The following POU6F2 variants were observed in gnomAD, a reference collection of about 807,000 sequenced individuals.
The protein encoded by POU6F2 is POU class 6 homeobox 2, also known as POU domain, class 6, transcription factor 2.
In POU6F2, 31 loss-of-function variants were observed where a neutral mutation model predicts 71.3. That is an observed-to-expected ratio of 0.43 (90% CI 0.33 to 0.59). POU6F2 has a LOEUF of 0.59. Among genes scored for constraint, POU6F2 ranks in the 20% least tolerant of loss-of-function variants. The pLI, the probability that POU6F2 is intolerant of heterozygous loss-of-function variation, is 0.04. For missense variants in POU6F2, 783 were observed against 856.8 expected, an observed-to-expected ratio of 0.91 and a Z score of 1.07; for synonymous variants, 347 against 355.7, an observed-to-expected ratio of 0.98 and a Z score of 0.27.
intron 5 of POU6F2, among the ~76,000 whole-genome samples, chr7:39,340,946 C>T (rs1325933825): frequency 6.6e-6 from 1 of 152,172 alleles, no homozygotes; most frequent in Non-Finnish European, 1.5e-5. Flanking sequence ...TTCAGACAAT[C>T]TCGTGTATTT....
intron 6 of POU6F2, among the ~76,000 whole-genome samples, chr7:39,411,984 A>T (rs1406907361): frequency 6.6e-6 from 1 of 152,224 alleles, no homozygotes; most frequent in Non-Finnish European, 1.5e-5. Context: ...TGACGTTCAG[A>T]TGGAGATGTT....
chr7:39,322,784 A>AAC (rs1785423211), intron 4 of POU6F2, among the ~76,000 whole-genome samples: 1 of 152,238 alleles, frequency 6.6e-6, no homozygotes, highest in Admixed American at 6.5e-5. Flanking sequence ...TCAAGAAAGG[A>AAC]ACACAAGAAT....
chr7:39,266,658 G>C (rs868009598), intron 4 of POU6F2, among the ~76,000 whole-genome samples: 75 of 141,834 alleles, frequency 5.3e-4, no homozygotes, highest in African/African-American at 1.8e-3. Flanking sequence ...AGCCTCTTGA[G>C]TTGATGAGAT....
At chr7:39,367,611 G>A (rs1279383900) in intron 5 of POU6F2, among the ~76,000 whole-genome samples, 2 of 152,180 alleles carry the variant, frequency 1.3e-5, no homozygotes, top group African/African-American at 4.8e-5. Context: ...CTTGCCTGTG[G>A]TTTATATGGT....
intron 1 of POU6F2, among the ~76,000 whole-genome samples, chr7:39,057,591 A>G (rs1790558615): frequency 6.6e-6 from 1 of 152,128 alleles, no homozygotes; most frequent in Non-Finnish European, 1.5e-5. Context: ...ATAGTTTTGT[A>G]TTATTAATAT....
chr7:39,373,958 G>A (rs1786662131), intron 5 of POU6F2, among the ~76,000 whole-genome samples: 1 of 152,140 alleles, frequency 6.6e-6, no homozygotes, highest in African/African-American at 2.4e-5. Context: ...TTTGCCACCT[G>A]TGACCCTTTA....
intron 4 of POU6F2, among the ~76,000 whole-genome samples, chr7:39,338,533 A>G (rs536928265): frequency 2.0e-5 from 3 of 152,280 alleles, no homozygotes; most frequent in South Asian, 4.1e-4. Flanking sequence ...GAAGCCCTAC[A>G]TGGTATGTGA....
At chr7:39,109,534 C>G (rs13229053) in intron 2 of POU6F2, among the ~76,000 whole-genome samples, 4,540 of 152,266 alleles carry the variant, frequency 0.03, 94 homozygotes, top group Middle Eastern at 0.078. Flanking sequence ...ATGAGGCATC[C>G]TTCCATTTGC....
intron 2 of POU6F2, among the ~76,000 whole-genome samples, chr7:39,168,174 G>A (rs937770708): frequency 7.6e-4 from 116 of 152,174 alleles, no homozygotes; most frequent in African/African-American, 2.7e-3. Flanking sequence ...TTTTGACCAA[G>A]CATCAATAAT....
rs116571499 is a variant in POU6F2 at position 39,313,482 on chromosome 7, A to G, written c.599-26160A>G. 2.6e-5 allele frequency among the ~76,000 whole-genome samples: 4 copies of G among 152,066 alleles called. No individual in the cohort carries two copies. The South Asian group carries it at 8.3e-4, about 31-fold the overall frequency. ...CCCAGACTACAATGTAAGTTCCCTGAGGTTGCAAATTATTATCTGTTTTCT... is the reference window on the plus strand; with the variant it reads ...CCCAGACTACAATGTAAGTTCCCTGGGGTTGCAAATTATTATCTGTTTTCT... On this transcript the variant is annotated intron_variant, in intron 4 of 9. Transcript: ENST00000518318.
intron 2 of POU6F2, among the ~76,000 whole-genome samples, chr7:39,157,814 C>T (rs1792903262): frequency 6.6e-6 from 1 of 152,290 alleles, no homozygotes; most frequent in African/African-American, 2.4e-5. Context: ...GGAGGTGCAA[C>T]TTCAATAAAC....
intron 2 of POU6F2, among the ~76,000 whole-genome samples, chr7:39,087,959 G>A (rs1791287755): frequency 6.6e-6 from 1 of 152,150 alleles, no homozygotes; most frequent in Non-Finnish European, 1.5e-5. Context: ...TGAATTAAAA[G>A]TTTAATGGCA....
chr7:39,322,443 T>C (rs1470747898), intron 4 of POU6F2, among the ~76,000 whole-genome samples: 1 of 152,228 alleles, frequency 6.6e-6, no homozygotes, highest in Non-Finnish European at 1.5e-5. Context: ...TGAGTGGAAT[T>C]TGGGTCAGCC....
At chr7:39,037,634 A>C (rs1341698399) in intron 1 of POU6F2, among the ~76,000 whole-genome samples, 2 of 151,982 alleles carry the variant, frequency 1.3e-5, no homozygotes, top group Non-Finnish European at 2.9e-5. Context: ...GAGATACAGG[A>C]TCTTACTCTG....
At chr7:39,276,682 GA>G (rs1452839593) in intron 4 of POU6F2, among the ~76,000 whole-genome samples, 4 of 151,898 alleles carry the variant, frequency 2.6e-5, no homozygotes, top group African/African-American at 9.7e-5. Flanking sequence ...ACTGGATTAA[GA>G]AAATGTGGCA....
chr7:39,430,228 T>A (rs1788068572), intron 6 of POU6F2, among the ~76,000 whole-genome samples: 1 of 152,194 alleles, frequency 6.6e-6, no homozygotes, highest in Admixed American at 6.5e-5. Flanking sequence ...TTTGACACGT[T>A]GAGATGGTGA....
intron 4 of POU6F2, among the ~76,000 whole-genome samples, chr7:39,243,126 A>C (rs1389363035): frequency 6.6e-6 from 1 of 152,180 alleles, no homozygotes; most frequent in Non-Finnish European, 1.5e-5. Flanking sequence ...AAACACACTA[A>C]ATGAAACTCT....
intron 2 of POU6F2, among the ~76,000 whole-genome samples, chr7:39,175,122 C>T (rs1441398473): frequency 1.3e-5 from 2 of 152,114 alleles, no homozygotes; most frequent in Non-Finnish European, 2.9e-5. Flanking sequence ...TTCTCCTCCT[C>T]TATCCATCCC....
Position 39,015,861 on chromosome 7 carries a change from A to AATATATTATATAGAT in POU6F2, c.105+37815_105+37816insGATATATATTATATA, listed in dbSNP as rs1584500600. ...TAATATATTATATATAGATATATAT[A>AATATATTATATAGAT]ATATATTATATATAGATATATATTA... On this transcript the variant is annotated intron_variant, in intron 1 of 9. Coordinates refer to ENST00000518318, the MANE Select transcript of POU6F2 (RefSeq NM_001370959.1). Among the ~76,000 whole-genome samples, 8 of 57,246 alleles carry AATATATTATATAGAT rather than the reference A, an allele frequency of 1.4e-4. 1 individual carries two copies. In the East Asian group the frequency reaches 4.3e-3, roughly 31 times the overall value. 37.6% of individuals were successfully genotyped at this position (57,246 alleles called of 152,430 possible). A position where few individuals can be genotyped will look rare whatever the true frequency, so the allele number is the denominator to read the frequency against.
Sources: allele counts gnomAD v4.1 joint callset (sites outside exome capture counted in the v4.1 genomes callset), GRCh38; gene constraint gnomAD v4.1.1; transcripts MANE v1.5; gene names NCBI Gene and HGNC (gene_info 2026-07-23, HGNC 2026-07-21).